The following PRKCB variants were observed in gnomAD, a reference collection of about 807,000 sequenced individuals.
PRKCB encodes the protein protein kinase C beta type.
In PRKCB, 13 loss-of-function variants were observed where a neutral mutation model predicts 81.5. The observed-to-expected ratio is 0.16, with a 90% CI of 0.10 to 0.25. The LOEUF (loss-of-function observed/expected upper bound fraction) is 0.25, where lower values mean the gene tolerates loss of function less well. Ranked by LOEUF, PRKCB falls within the 10% of genes least tolerant of loss-of-function variation. The probability of loss-of-function intolerance (pLI) is 1.00; values close to 1 mark genes in which losing one functional copy is unlikely to be tolerated. For missense variants in PRKCB, 509 were observed against 875.7 expected (o/e 0.58, Z 5.29); for synonymous variants, 335 against 321.4 (o/e 1.04, Z -0.45).
At chr16:23,873,444 T>C (rs1962945705) in intron 2 of PRKCB, among the ~76,000 whole-genome samples, 1 of 152,108 alleles carries the variant, frequency 6.6e-6, no homozygotes, top group South Asian at 2.1e-4. Flanking sequence ...GCTGTGCGAT[T>C]TCAGCTTCTC....
intron 12 of PRKCB, among the ~76,000 whole-genome samples, chr16:24,176,482 A>G (rs561338032): frequency 6.6e-6 from 1 of 152,334 alleles, no homozygotes; most frequent in East Asian, 1.9e-4. Context: ...CCCTCAATGA[A>G]CACGTTCACT....
intron 10 of PRKCB, among the ~76,000 whole-genome samples, chr16:24,158,578 GTA>G (rs1324956982): frequency 1.3e-5 from 2 of 151,666 alleles, no homozygotes; most frequent in African/African-American, 4.9e-5. Flanking sequence ...ATATGTATAT[GTA>G]TATGTATATG....
chr16:24,161,853 T>G (rs1967261382), intron 10 of PRKCB, among the ~76,000 whole-genome samples: 1 of 152,172 alleles, frequency 6.6e-6, no homozygotes, highest in Non-Finnish European at 1.5e-5. Context: ...AGGTGCACCT[T>G]GCTGCATAGG....
intron 2 of PRKCB, among the ~76,000 whole-genome samples, chr16:23,910,606 T>C (rs1347250978): frequency 6.6e-6 from 1 of 152,232 alleles, no homozygotes; most frequent in African/African-American, 2.4e-5. Flanking sequence ...CTTAGAGTTA[T>C]ATTCAGAGAT....
At chr16:23,926,235 C>A (rs936735995) in intron 2 of PRKCB, among the ~76,000 whole-genome samples, 2 of 151,452 alleles carry the variant, frequency 1.3e-5, no homozygotes, top group Non-Finnish European at 3.0e-5. Flanking sequence ...CACACAACTG[C>A]CCCCCAGCCT....
At chr16:24,089,767 C>T (rs1966353806) in intron 5 of PRKCB, among the ~76,000 whole-genome samples, 1 of 149,804 alleles carries the variant, frequency 6.7e-6, no homozygotes, top group Non-Finnish European at 1.5e-5. Flanking sequence ...AGAGTGAGAC[C>T]TTGTCTCTCT....
At chr16:23,914,349 T>C (rs1370914151) in intron 2 of PRKCB, among the ~76,000 whole-genome samples, 2 of 152,174 alleles carry the variant, frequency 1.3e-5, no homozygotes, top group Admixed American at 6.6e-5. Flanking sequence ...CAGCCCATCA[T>C]TGGCATTTGT....
chr16:23,972,042 A>G (rs1238253197), intron 2 of PRKCB, among the ~76,000 whole-genome samples: 1 of 152,222 alleles, frequency 6.6e-6, no homozygotes, highest in Non-Finnish European at 1.5e-5. Flanking sequence ...CAGAATATTG[A>G]TCAGTAGATG....
intron 5 of PRKCB, among the ~76,000 whole-genome samples, chr16:24,074,179 C>T (rs960303545): frequency 3.9e-5 from 6 of 152,128 alleles, no homozygotes; most frequent in Admixed American, 2.0e-4. Context: ...AGACACACCT[C>T]GAAGCTACTG....
At chr16:24,023,634 C>T (rs1341218886) in intron 3 of PRKCB, among the ~76,000 whole-genome samples, 18 of 152,172 alleles carry the variant, frequency 1.2e-4, no homozygotes, top group Admixed American at 1.2e-3. Context: ...TCCCAAAGTG[C>T]TGGGATTACA....
Position 24,217,675 on chromosome 16 carries a change from G to T in PRKCB, c.*2859G>T. The T allele has an allele frequency of 1.0e-6, 1 of 985,590 alleles. No homozygotes were observed. The highest frequency in any genetic ancestry group is 4.7e-5 in the South Asian group (1 of 21,288). 61.1% of individuals were successfully genotyped at this position (985,590 alleles called of 1,614,324 possible). Reference sequence around the variant, plus strand: ...TCACCAGCACAACAAACGGGGCAGGGCTTTCCAAGGTGGGGCTGGTCAGAA... The same window carrying T: ...TCACCAGCACAACAAACGGGGCAGGTCTTTCCAAGGTGGGGCTGGTCAGAA... On this transcript the variant is annotated 3_prime_UTR_variant, in exon 17 of 17. Transcript: ENST00000643927.
intron 9 of PRKCB, among the ~76,000 whole-genome samples, chr16:24,146,585 C>T (rs1463829429): frequency 6.6e-6 from 1 of 152,196 alleles, no homozygotes; most frequent in Non-Finnish European, 1.5e-5. Flanking sequence ...CGCTGGGCCA[C>T]AGTCAGGGGC....
chr16:24,048,733 C>T (rs905826968), intron 5 of PRKCB, among the ~76,000 whole-genome samples: 10 of 152,064 alleles, frequency 6.6e-5, no homozygotes, highest in African/African-American at 2.2e-4. Flanking sequence ...CTGCCCACCT[C>T]GGCCCCCCAA....
chr16:24,110,303 C>G (rs1388609341), intron 7 of PRKCB, among the ~76,000 whole-genome samples: 1 of 151,712 alleles, frequency 6.6e-6, no homozygotes, highest in African/African-American at 2.4e-5. Flanking sequence ...CCTCTGCCTC[C>G]CGGGTTCAAG....
chr16:23,853,839 T>A (rs1962513644), intron 2 of PRKCB, among the ~76,000 whole-genome samples: 1 of 151,294 alleles, frequency 6.6e-6, no homozygotes, highest in Non-Finnish European at 1.5e-5. Flanking sequence ...GTTGTATTAA[T>A]CCATTCTCAT....
intron 2 of PRKCB, among the ~76,000 whole-genome samples, chr16:23,937,196 C>A (rs886214720): frequency 6.6e-6 from 1 of 152,130 alleles, no homozygotes; most frequent in Admixed American, 6.5e-5. Flanking sequence ...GGACCCTGAG[C>A]CCTATTAGAC....
intron 2 of PRKCB, among the ~76,000 whole-genome samples, chr16:23,845,673 A>G (rs940897083): frequency 2.6e-5 from 4 of 152,212 alleles, no homozygotes; most frequent in Non-Finnish European, 4.4e-5. Flanking sequence ...TCTATGGAGA[A>G]ACCGTAAATA....
chr16:24,108,242 T>C (rs1055009502), intron 7 of PRKCB, among the ~76,000 whole-genome samples: 5 of 150,502 alleles, frequency 3.3e-5, no homozygotes, highest in African/African-American at 1.2e-4. Context: ...TGTATGGGAT[T>C]AGGTTACAGT....
In PRKCB at chr16:23,944,779, T is replaced by C. The variant is rs1361750465; in HGVS notation, c.206-43729T>C. ...CTGCTCATAAACTCTCATGGGTTTC[T>C]GGGTCACAGTGCAGCCCTAGGTCAA... is the stretch of plus-strand genomic sequence containing the variant. On this transcript the variant is annotated intron_variant, in intron 2 of 16. Coordinates refer to ENST00000643927, the MANE Select transcript of PRKCB (RefSeq NM_002738.7). Among the ~76,000 whole-genome samples the C allele has an allele frequency of 2.6e-5, 4 of 152,356 alleles. No individual in the cohort carries two copies. The East Asian group carries it at 7.7e-4, about 29-fold the overall frequency.
Sources: gnomAD v4.1 joint callset for allele counts (sites outside exome capture counted in the v4.1 genomes callset) on GRCh38, gnomAD v4.1.1 for gene constraint, MANE v1.5 for transcripts, NCBI Gene and HGNC (gene_info 2026-07-23, HGNC 2026-07-21) for gene names.